Variants in ATXN2 observed in about 807,000 individuals in gnomAD.
ATXN2 encodes the protein ataxin 2.
Under a neutral mutation model 138.6 loss-of-function variants are expected in ATXN2, and 37 were observed. The ratio of observed to expected loss-of-function variants is 0.27; its 90% CI spans 0.21 to 0.35. The LOEUF is 0.35. Ranked by LOEUF, ATXN2 falls within the 10% of genes least tolerant of loss-of-function variation. ATXN2 has a pLI of 1.00. For synonymous variants in ATXN2, 549 were observed against 543.7 expected (o/e 1.01, Z -0.13); for missense variants, 1,216 against 1,480.3 (o/e 0.82, Z 2.93).
chr12:111,483,884 T>C (rs556243317), intron 18 of ATXN2, among the ~76,000 whole-genome samples: 43 of 152,220 alleles, frequency 2.8e-4, no homozygotes, highest in Admixed American at 2.8e-3. Context: ...CTGGTTTCAA[T>C]TGATCCTCCC....
chr12:111,571,986 T>G (rs1013709708), intron 1 of ATXN2, among the ~76,000 whole-genome samples: 2 of 140,718 alleles, frequency 1.4e-5, no homozygotes, highest in African/African-American at 5.5e-5. Flanking sequence ...CACTCCAGCC[T>G]GAGCAACACA....
Position 111,598,928 on chromosome 12 carries a change from A to G in ATXN2, c.107T>C (p.Val36Ala). ...AAGGCCGCTGCCGCCGGGCTTGCGGACATTGGCAGCCGCGGGCGGCGGCTG... is the reference window on the plus strand; with the variant it reads ...AAGGCCGCTGCCGCCGGGCTTGCGGGCATTGGCAGCCGCGGGCGGCGGCTG... ...QQQPPPAAAN[V>A]RKPGGSGLLA... Residue 36 changes from valine (V) to alanine (A), a missense_variant, in exon 1 of 25, where the codon GTC becomes GCC. Transcript: ENST00000673436. The surrounding 1 kb of genome is among the most constrained non-coding windows in gnomAD (Gnocchi z 4.5). The G allele has an allele frequency of 6.6e-7, 1 of 1,511,262 alleles. No homozygotes were observed. Among genetic ancestry groups the G allele is most frequent in the Non-Finnish European group, 8.8e-7 (1 of 1,135,142 alleles). 93.6% of individuals were successfully genotyped at this position (1,511,262 alleles called of 1,614,324 possible). A position where few individuals can be genotyped will look rare whatever the true frequency, so the allele number is the denominator to read the frequency against.
At chr12:111,589,026 T>G (rs1451099180) in intron 1 of ATXN2, among the ~76,000 whole-genome samples, 1 of 50,618 alleles carries the variant, frequency 2.0e-5, no homozygotes, top group South Asian at 8.2e-4. Context: ...AAAAAAAAAC[T>G]AAACCAAACT....
intron 1 of ATXN2, among the ~76,000 whole-genome samples, chr12:111,556,659 T>TA (rs751231031): frequency 1.2e-4 from 18 of 151,440 alleles, no homozygotes; most frequent in Non-Finnish European, 2.4e-4. Flanking sequence ...CTACTAAGAA[T>TA]AAAAAAATTA....
chr12:111,577,998 C>T (rs1352474825), intron 1 of ATXN2, among the ~76,000 whole-genome samples: 1 of 127,886 alleles, frequency 7.8e-6, no homozygotes, highest in South Asian at 2.7e-4. Flanking sequence ...GAGTTCGAGA[C>T]CAGCCTGGCC....
At chr12:111,597,770 A>G (rs1407156728) in intron 1 of ATXN2, 1 of 1,037,350 alleles carries the variant, frequency 9.6e-7, no homozygotes, top group Non-Finnish European at 1.3e-6. Flanking sequence ...CAGGAACCCG[A>G]CCACGTCCCC....
intron 14 of ATXN2, among the ~76,000 whole-genome samples, chr12:111,496,879 G>A (rs1005984217): frequency 2.0e-5 from 3 of 151,202 alleles, no homozygotes; most frequent in Non-Finnish European, 4.4e-5. Flanking sequence ...AATCAAAGCA[G>A]AAATAAATAA....
At position 111,510,000 on chromosome 12, in the gene ATXN2, T is replaced by C; in HGVS notation, c.1757-2A>G. 1.3e-6 allele frequency: 2 copies of C among 1,583,132 alleles called. No individual in the cohort carries two copies. The highest frequency in any genetic ancestry group is 1.9e-5 in the Admixed American group (1 of 53,472). ...GATCTTGAAGCCTGGAATCTTTAGC[T>C]AGAAAACAATTTTTTAAAAAAAATT... On this transcript the variant is annotated splice_acceptor_variant, in intron 12 of 24. Transcript: ENST00000673436. LOFTEE classifies it high-confidence loss of function.
chr12:111,539,312 C>T (rs1202125650), intron 5 of ATXN2, among the ~76,000 whole-genome samples: 2 of 148,398 alleles, frequency 1.3e-5, no homozygotes, highest in African/African-American at 2.5e-5. Flanking sequence ...AGTGGGACCT[C>T]GTCTCTACTT....
chr12:111,561,408 G>A (rs1243882713), intron 1 of ATXN2, among the ~76,000 whole-genome samples: 1 of 152,046 alleles, frequency 6.6e-6, no homozygotes, highest in Non-Finnish European at 1.5e-5. Flanking sequence ...GCTGAGGGAG[G>A]AGAACGGCTT....
intron 1 of ATXN2, among the ~76,000 whole-genome samples, chr12:111,577,654 G>T (rs1883750272): frequency 1.3e-5 from 2 of 152,162 alleles, no homozygotes; most frequent in Non-Finnish European, 2.9e-5. Context: ...TTTTTGACCA[G>T]GCGTGATGGC....
chr12:111,510,516 G>A lies in ATXN2; in HGVS notation c.1625C>T (p.Pro542Leu), dbSNP rs149774930. 50 of 1,613,904 alleles carry A rather than the reference G, an allele frequency of 3.1e-5. No individual in the cohort carries two copies. In the East Asian group the frequency reaches 8.2e-4, roughly 27 times the overall value. ...SPRQNSIGNT[P>L]SGPVLASPQA... ...GGGAGAAGCAAGAACTGGCCCACTG[G>A]GGGTATTTCCAATACTGTTCTGTCT... The change falls in exon 12 of 25, where the codon CCC becomes CTC. Residue 542 changes from proline to leucine, a missense_variant. Pro to Leu is a moderately conservative substitution (Grantham distance 98, BLOSUM62 -3). Coordinates refer to ENST00000673436, the MANE Select transcript of ATXN2 (RefSeq NM_001372574.1).
chr12:111,597,867 C>A (rs1171664339), intron 1 of ATXN2: 39 of 1,288,606 alleles, frequency 3.0e-5, no homozygotes, highest in Non-Finnish European at 3.7e-5. Flanking sequence ...GCCACCAGCA[C>A]CGCCACCCCG....
intron 14 of ATXN2, among the ~76,000 whole-genome samples, chr12:111,501,799 A>G (rs549892079): frequency 6.6e-6 from 1 of 152,208 alleles, no homozygotes; most frequent in Non-Finnish European, 1.5e-5. Flanking sequence ...TTTAATTATC[A>G]TAAGAGTTCT....
chr12:111,505,093 T>C (rs1879022381), intron 14 of ATXN2, among the ~76,000 whole-genome samples: 1 of 152,104 alleles, frequency 6.6e-6, no homozygotes, highest in African/African-American at 2.4e-5. Context: ...TAGCAAGGTG[T>C]GGTGGTGCAC....
chr12:111,531,011 G>A (rs529017146), intron 5 of ATXN2, among the ~76,000 whole-genome samples: 25 of 152,140 alleles, frequency 1.6e-4, no homozygotes, highest in African/African-American at 6.0e-4. Context: ...CCAGCTGCTC[G>A]GGAGGCTGAA....
rs201291209 is a variant in ATXN2 at position 111,498,671 on chromosome 12, A to G, written c.1936-9891T>C. On this transcript the variant is annotated intron_variant, in intron 14 of 24. Coordinates refer to ENST00000673436, the MANE Select transcript of ATXN2 (RefSeq NM_001372574.1). Reference sequence around the variant, plus strand: ...AATCTACAGATTCAGTGCAATCCCTATCAAAATACCAATGACATTCCTCAC... The same window carrying G: ...AATCTACAGATTCAGTGCAATCCCTGTCAAAATACCAATGACATTCCTCAC... Among the ~76,000 whole-genome samples the G allele has an allele frequency of 2.6e-5, 4 of 152,208 alleles. No individual in the cohort carries two copies. In the East Asian group the frequency reaches 7.7e-4, roughly 29 times the overall value.
At chr12:111,583,847 A>T (rs1170937539) in intron 1 of ATXN2, among the ~76,000 whole-genome samples, 3 of 151,492 alleles carry the variant, frequency 2.0e-5, no homozygotes, top group African/African-American at 7.3e-5. Flanking sequence ...CAAGATGCTC[A>T]GTTAAATTTC....
At chr12:111,576,391 C>T (rs1442771964) in intron 1 of ATXN2, among the ~76,000 whole-genome samples, 11 of 151,996 alleles carry the variant, frequency 7.2e-5, no homozygotes, top group African/African-American at 1.9e-4. Context: ...GCTAAGATTG[C>T]GCCACTGCAC....
Sources: gnomAD v4.1 joint callset for allele counts (sites outside exome capture counted in the v4.1 genomes callset) on GRCh38, gnomAD v4.1.1 for gene constraint, Gnocchi (gnomAD v3.1) non-coding constraint, MANE v1.5 for transcripts, NCBI Gene and HGNC (gene_info 2026-07-23, HGNC 2026-07-21) for gene names.